The following IGSF11 variants were observed in gnomAD, a reference collection of about 807,000 sequenced individuals.
IGSF11 encodes the protein immunoglobulin superfamily member 11, also known as CXADR like 1.
In IGSF11, 22 loss-of-function variants were observed where a neutral mutation model predicts 41.0. The observed-to-expected ratio is 0.54, with a 90% confidence interval of 0.38 to 0.77. The LOEUF is 0.77. IGSF11 is among the 30% of genes least tolerant of loss of function. The probability of loss-of-function intolerance (pLI) is 0.00; values close to 1 mark genes in which losing one functional copy is unlikely to be tolerated. For missense variants in IGSF11, 444 were observed against 530.8 expected (o/e 0.84, Z 1.61); for synonymous variants, 219 against 201.3 (o/e 1.09, Z -0.74).
intron 1 of IGSF11, among the ~76,000 whole-genome samples, chr3:119,005,603 G>A (rs1226371902): frequency 1.2e-4 from 14 of 117,622 alleles, no homozygotes; most frequent in African/African-American, 1.9e-4. Flanking sequence ...GGCTGGTACC[G>A]GTTGTTCCTT....
At chr3:118,959,993 G>T (rs192044433) in intron 1 of IGSF11, among the ~76,000 whole-genome samples, 27 of 151,624 alleles carry the variant, frequency 1.8e-4, no homozygotes, top group Admixed American at 1.4e-3. Context: ...TGCAGTGAGC[G>T]GAGATCGCGC....
At chr3:119,073,934 G>A (rs76834859) in intron 1 of IGSF11, among the ~76,000 whole-genome samples, 23,175 of 152,190 alleles carry the variant, frequency 0.15, 3,096 homozygotes, top group African/African-American at 0.35. Context: ...AGCGAGGGAC[G>A]CGAGGGCTGC....
At chr3:119,117,187 TG>T (rs1223678827) in intron 1 of IGSF11, among the ~76,000 whole-genome samples, 3 of 147,954 alleles carry the variant, frequency 2.0e-5, no homozygotes, top group Non-Finnish European at 4.5e-5. Flanking sequence ...AAACACAAAC[TG>T]GAAGTTATCA....
intron 1 of IGSF11, among the ~76,000 whole-genome samples, chr3:119,130,367 T>C (rs906959558): frequency 1.3e-5 from 2 of 152,234 alleles, no homozygotes; most frequent in African/African-American, 4.8e-5. Context: ...TACTGCACTT[T>C]TCCCATGGTC....
intron 1 of IGSF11, among the ~76,000 whole-genome samples, chr3:119,041,351 G>A (rs1210902411): frequency 2.0e-5 from 3 of 152,176 alleles, no homozygotes; most frequent in Non-Finnish European, 4.4e-5. Flanking sequence ...GGAGGCCAAG[G>A]CAGGTGGATC....
intron 1 of IGSF11, among the ~76,000 whole-genome samples, chr3:118,956,007 T>G (rs552078879): frequency 5.9e-5 from 9 of 152,346 alleles, no homozygotes; most frequent in African/African-American, 2.2e-4. Flanking sequence ...CTGCATAACT[T>G]GCTGCAGCTT....
chr3:119,091,861 T>C (rs1324525303), intron 1 of IGSF11, among the ~76,000 whole-genome samples: 8 of 151,270 alleles, frequency 5.3e-5, no homozygotes, highest in Non-Finnish European at 1.2e-4. Context: ...ATATTGAATT[T>C]TTTTTTAAAT....
chr3:119,103,235 G>C (rs1361107199), intron 1 of IGSF11, among the ~76,000 whole-genome samples: 1 of 152,132 alleles, frequency 6.6e-6, no homozygotes, highest in Non-Finnish European at 1.5e-5. Context: ...CTGACCTCTT[G>C]ATCCGCCCAC....
intron 1 of IGSF11, among the ~76,000 whole-genome samples, chr3:119,054,173 AT>A (rs1242300223): frequency 6.6e-6 from 1 of 152,242 alleles, no homozygotes; most frequent in African/African-American, 2.4e-5. Flanking sequence ...ATGGAACTTA[AT>A]TAAACTAAAA....
intron 1 of IGSF11, among the ~76,000 whole-genome samples, chr3:119,004,305 T>C (rs1307572196): frequency 5.9e-5 from 9 of 151,536 alleles, no homozygotes; most frequent in African/African-American, 2.2e-4. Flanking sequence ...GGATCGGTGG[T>C]GATACCCCTT....
intron 1 of IGSF11, among the ~76,000 whole-genome samples, chr3:118,971,889 G>A (rs1011653538): frequency 4.6e-5 from 7 of 151,678 alleles, no homozygotes; most frequent in Non-Finnish European, 7.4e-5. Context: ...ACTGATACCT[G>A]AAAATTTTAG....
intron 1 of IGSF11, among the ~76,000 whole-genome samples, chr3:119,129,871 G>C (rs2077453928): frequency 6.6e-6 from 1 of 152,066 alleles, no homozygotes; most frequent in South Asian, 2.1e-4. Flanking sequence ...TGTAGGCCCA[G>C]CTACTCAGGG....
intron 1 of IGSF11, among the ~76,000 whole-genome samples, chr3:118,946,305 A>C (rs1944137170): frequency 6.6e-6 from 1 of 152,036 alleles, no homozygotes; most frequent in African/African-American, 2.4e-5. Context: ...TCCCCCCGAA[A>C]TTTCATATTG....
At chr3:118,972,488 T>C (rs1933557396) in intron 1 of IGSF11, among the ~76,000 whole-genome samples, 1 of 152,226 alleles carries the variant, frequency 6.6e-6, no homozygotes. Flanking sequence ...AAAGATCTCC[T>C]ATTTTTTCAG....
chr3:118,951,747 T>C (rs576766856), intron 1 of IGSF11, among the ~76,000 whole-genome samples: 3 of 152,330 alleles, frequency 2.0e-5, no homozygotes, highest in Admixed American at 6.5e-5. Context: ...CATTTGCATG[T>C]AACCTACAAA....
chr3:119,091,646 C>A (rs1304703008), intron 1 of IGSF11, among the ~76,000 whole-genome samples: 1 of 152,110 alleles, frequency 6.6e-6, no homozygotes, highest in African/African-American at 2.4e-5. Context: ...TAACTGGGAG[C>A]TAAACACTGA....
intron 1 of IGSF11, among the ~76,000 whole-genome samples, chr3:118,937,355 T>G (rs555671376): frequency 5.6e-4 from 86 of 152,370 alleles, no homozygotes; most frequent in Non-Finnish European, 1.0e-3. Context: ...CTCCTTGTTT[T>G]CTGAAGGAAA....
intron 1 of IGSF11, among the ~76,000 whole-genome samples, chr3:119,119,534 G>A (rs915112745): frequency 2.0e-5 from 3 of 152,172 alleles, no homozygotes; most frequent in Admixed American, 1.3e-4. Context: ...CGATATCAGG[G>A]TTGTCTGTGA....
intron 1 of IGSF11, among the ~76,000 whole-genome samples, chr3:119,099,562 C>A (rs1243188081): frequency 6.6e-6 from 1 of 152,092 alleles, no homozygotes; most frequent in Non-Finnish European, 1.5e-5. Flanking sequence ...AGTTACTTCA[C>A]ATAGATGGAA....
Sources: gnomAD v4.1 joint callset for allele counts (sites outside exome capture counted in the v4.1 genomes callset) on GRCh38, gnomAD v4.1.1 for gene constraint, MANE v1.5 for transcripts, NCBI Gene and HGNC (gene_info 2026-07-23, HGNC 2026-07-21) for gene names.